Variants in CCDC28A observed in about 807,000 individuals in gnomAD.
CCDC28A encodes the protein coiled-coil domain containing 28A, also known as coiled-coil domain-containing protein 28A.
CCDC28A carries 24 observed loss-of-function variants against 22.1 expected under a neutral mutation model. The observed-to-expected ratio is 1.09, with a 90% confidence interval of 0.79 to 1.53. The LOEUF (loss-of-function observed/expected upper bound fraction) is 1.53. Among genes scored for constraint, CCDC28A ranks in the 40% most tolerant of loss-of-function variants. The pLI is 0.00. For synonymous variants in CCDC28A, 83 were observed against 74.7 expected (o/e 1.11, Z -0.57); for missense variants, 170 against 210.7 (o/e 0.81, Z 1.20).
intron 1 of CCDC28A, 76 bp downstream of exon 1, chr6:138,773,978 A>G: frequency 6.4e-7 from 1 of 1,553,458 alleles, no homozygotes; most frequent in Non-Finnish European, 8.7e-7. Context: ...ACTGCTGGGT[A>G]CTGGGCGGTG....
chr6:138,778,943 T>A (rs1720332215), intron 2 of CCDC28A, among the ~76,000 whole-genome samples: 1 of 152,110 alleles, frequency 6.6e-6, no homozygotes, highest in Non-Finnish European at 1.5e-5. Context: ...AATTTTTGTA[T>A]TTTTAGTAGA....
At chr6:138,773,993 G>A in intron 1 of CCDC28A, 91 bp downstream of exon 1, 1 of 1,469,772 alleles carries the variant, frequency 6.8e-7, no homozygotes, top group Non-Finnish European at 9.3e-7. Flanking sequence ...GCGGTGAAGG[G>A]TCATCGCTTC....
intron 3 of CCDC28A, 121 bp downstream of exon 3, chr6:138,780,106 G>T (rs1774994558): frequency 1.5e-6 from 1 of 653,348 alleles, no homozygotes; most frequent in Non-Finnish European, 2.3e-6. Context: ...GAGCCCACAG[G>T]CATAAAGGCA....
intron 4 of CCDC28A, among the ~76,000 whole-genome samples, chr6:138,786,584 TACTC>T (rs1419256223): frequency 1.3e-5 from 2 of 152,210 alleles, no homozygotes; most frequent in African/African-American, 2.4e-5. Context: ...ATGTCTGTCT[TACTC>T]AGTCTTGCAA....
At chr6:138,789,469 T>TTA (rs1775138408) in intron 5 of CCDC28A, among the ~76,000 whole-genome samples, 1 of 152,224 alleles carries the variant, frequency 6.6e-6, no homozygotes, top group African/African-American at 2.4e-5. Flanking sequence ...TAAAAATTAC[T>TTA]ATTATTGCTA....
intron 4 of CCDC28A, among the ~76,000 whole-genome samples, chr6:138,785,852 T>C (rs1403320975): frequency 6.6e-6 from 1 of 152,194 alleles, no homozygotes; most frequent in Non-Finnish European, 1.5e-5. Flanking sequence ...TCTTAAGATA[T>C]AGAAGATAGT....
chr6:138,783,091 C>T (rs992587082), intron 3 of CCDC28A, among the ~76,000 whole-genome samples: 17 of 152,102 alleles, frequency 1.1e-4, no homozygotes, highest in African/African-American at 4.1e-4. Flanking sequence ...TAATGTAAGA[C>T]CTATTCTTTA....
intron 5 of CCDC28A, among the ~76,000 whole-genome samples, chr6:138,790,442 G>A (rs915775563): frequency 2.0e-4 from 31 of 152,286 alleles, no homozygotes; most frequent in Admixed American, 2.0e-3. Flanking sequence ...TAGCCACCAC[G>A]CCCGGCCCTT....
At chr6:138,780,597 CAG>C (rs1430438810) in intron 3 of CCDC28A, among the ~76,000 whole-genome samples, 1 of 129,258 alleles carries the variant, frequency 7.7e-6, no homozygotes, top group Non-Finnish European at 1.6e-5. Flanking sequence ...TTTTTTGAGA[CAG>C]AGTCTGGCTC....
chr6:138,786,755 A>G (rs1775098939), intron 4 of CCDC28A, among the ~76,000 whole-genome samples: 1 of 152,272 alleles, frequency 6.6e-6, no homozygotes, highest in African/African-American at 2.4e-5. Context: ...AGCTGGGACT[A>G]TGGGCACATG....
rs766417005 is a variant in CCDC28A at position 138,779,863 on chromosome 6, A to G, written c.200A>G (p.Lys67Arg). 2 of 1,613,994 alleles carry G rather than the reference A, an allele frequency of 1.2e-6. No individual in the cohort carries two copies. The highest frequency in any genetic ancestry group is 1.6e-4 in the Middle Eastern group (1 of 6,062). The part of the protein sequence containing the change: ...EKTKPQGGEG[K>R]GAQSTPIQHS... ...ACCAAACCTCAGGGTGGAGAGGGCA[A>G]AGGCGCTCAGTCAACTCCGATCCAG... The change falls in exon 3 of 6, where the codon AAA becomes AGA. Residue 67 changes from lysine to arginine, a missense_variant. Lys to Arg is a conservative substitution (Grantham distance 26). Transcript: ENST00000617445.
chr6:138,788,563 C>CTT (rs1775126559), intron 5 of CCDC28A, among the ~76,000 whole-genome samples, 175 bp downstream of exon 5: 39 of 91,758 alleles, frequency 4.3e-4, no homozygotes, highest in African/African-American at 1.5e-3. Context: ...TCTCTTTTTT[C>CTT]TTTTCTTTTT....
chr6:138,792,663 T>C, intron 5 of CCDC28A, 86 bp from the exon 6 acceptor site: 2 of 844,024 alleles, frequency 2.4e-6, no homozygotes, highest in Non-Finnish European at 4.0e-6. Flanking sequence ...TAAATACCGC[T>C]TTCTCTTTGC....
intron 3 of CCDC28A, among the ~76,000 whole-genome samples, chr6:138,781,091 C>T (rs1022447665): frequency 5.3e-5 from 8 of 152,090 alleles, no homozygotes; most frequent in African/African-American, 1.9e-4. Flanking sequence ...TCCCCTCATC[C>T]CAGCCATTTG....
At chr6:138,791,425 A>G (rs1168035718) in intron 5 of CCDC28A, among the ~76,000 whole-genome samples, 2 of 152,144 alleles carry the variant, frequency 1.3e-5, no homozygotes, top group African/African-American at 4.8e-5. Flanking sequence ...AACTTTAGGT[A>G]TTGCTACAAA....
At chr6:138,782,800 G>T (rs543135315) in intron 3 of CCDC28A, among the ~76,000 whole-genome samples, 1 of 152,132 alleles carries the variant, frequency 6.6e-6, no homozygotes, top group Admixed American at 6.6e-5. Context: ...ACATAATGTC[G>T]TATAGTCCAT....
At chr6:138,783,524 G>A (rs1024082097) in intron 3 of CCDC28A, among the ~76,000 whole-genome samples, 2 of 149,176 alleles carry the variant, frequency 1.3e-5, no homozygotes, top group African/African-American at 2.5e-5. Context: ...TGCAAGCTTC[G>A]CCTCCCAGAT....
Position 138,776,141 on chromosome 6 carries a change from G to A in CCDC28A, c.21G>A (p.Lys7=). 6.2e-7 allele frequency: 1 copy of A among 1,614,148 alleles called. No homozygotes were observed. Among genetic ancestry groups the A allele is most frequent in the Non-Finnish European group, 8.5e-7 (1 of 1,179,998 alleles). ...AAACAATGGAAGAGCGGAAAGTGAA[G>A]AGGAGGAGTCCTAAGTCTTTTAGTG... is the stretch of plus-strand genomic sequence containing the variant. MEERKV[K]RRSPKSFSAH... The change falls in exon 2 of 6, where the codon AAG becomes AAA. Residue 7 remains lysine, a synonymous_variant. Coordinates refer to ENST00000617445, the MANE Select transcript of CCDC28A (RefSeq NM_015439.3).
chr6:138,781,342 T>C (rs1775017953), intron 3 of CCDC28A, among the ~76,000 whole-genome samples: 1 of 152,260 alleles, frequency 6.6e-6, no homozygotes, highest in Non-Finnish European at 1.5e-5. Flanking sequence ...GTTTCTCATT[T>C]TGAGCCACCA....
Sources: allele counts gnomAD v4.1 joint callset (sites outside exome capture counted in the v4.1 genomes callset), GRCh38; gene constraint gnomAD v4.1.1; transcripts MANE v1.5; gene names NCBI Gene and HGNC (gene_info 2026-07-23, HGNC 2026-07-21).